Variants in TMC1 observed in about 807,000 individuals in gnomAD.
The protein encoded by TMC1 is transmembrane channel-like protein 1.
TMC1 carries 84 observed loss-of-function variants against 105.8 expected under a neutral mutation model. The ratio of observed to expected loss-of-function variants is 0.79; its 90% CI spans 0.67 to 0.95. The LOEUF is 0.95. TMC1 is among the 40% of genes least tolerant of loss of function. The probability of loss-of-function intolerance (pLI) is 0.00; values close to 1 mark genes in which losing one functional copy is unlikely to be tolerated. For synonymous variants in TMC1, 315 were observed against 311.5 expected (o/e 1.01, Z -0.12); for missense variants, 817 against 914.1 (o/e 0.89, Z 1.37).
At chr9:72,703,930 A>T (rs962360109) in intron 8 of TMC1, among the ~76,000 whole-genome samples, 1 of 152,178 alleles carries the variant, frequency 6.6e-6, no homozygotes, top group African/African-American at 2.4e-5. Context: ...GTTGGTACTT[A>T]AGTGCCTGAC....
At chr9:72,709,044 T>C (rs1300557325) in intron 8 of TMC1, among the ~76,000 whole-genome samples, 3 of 151,918 alleles carry the variant, frequency 2.0e-5, no homozygotes, top group Non-Finnish European at 4.4e-5. Flanking sequence ...GAAAGTTTAA[T>C]AGGCAAAAGA....
chr9:72,627,940 A>G lies in TMC1; in HGVS notation c.-176A>G. On this transcript the variant is annotated 5_prime_UTR_variant, in exon 4 of 24. It removes an upstream start codon present in the reference 5' UTR. Coordinates refer to ENST00000297784, the MANE Select transcript of TMC1 (RefSeq NM_138691.3). ...TTTTAGGATGCCAGAAGCCTCAAAA[A>G]TGGAAAACCCCCTGTGCTTCACATC... 2.4e-6 allele frequency: 1 copy of G among 420,874 alleles called. No individual in the cohort carries two copies. Among genetic ancestry groups the G allele is most frequent in the Non-Finnish European group, 4.7e-6 (1 of 212,988 alleles). 26.1% of individuals were successfully genotyped at this position (420,874 alleles called of 1,614,324 possible).
chr9:72,547,417 G>A (rs1385159499), intron 1 of TMC1, among the ~76,000 whole-genome samples: 3 of 151,972 alleles, frequency 2.0e-5, no homozygotes, highest in Non-Finnish European at 4.4e-5. Flanking sequence ...ATTTGCACAA[G>A]CACAAATGAG....
chr9:72,619,834 T>G (rs1403709048), intron 3 of TMC1, among the ~76,000 whole-genome samples: 2 of 144,434 alleles, frequency 1.4e-5, no homozygotes, highest in African/African-American at 5.1e-5. Context: ...AATTAATTAA[T>G]TTATTTATTT....
At chr9:72,645,931 G>A (rs548783404) in intron 4 of TMC1, among the ~76,000 whole-genome samples, 1 of 152,210 alleles carries the variant, frequency 6.6e-6, no homozygotes, top group East Asian at 1.9e-4. Context: ...GCTTACAAAA[G>A]TGTCTTAAAC....
chr9:72,523,801 A>C (rs1276303820), intron 1 of TMC1, among the ~76,000 whole-genome samples: 1 of 152,156 alleles, frequency 6.6e-6, no homozygotes, highest in Non-Finnish European at 1.5e-5. Flanking sequence ...TTCAGAGTCA[A>C]CTGTACTTGT....
chr9:72,718,388 TG>T (rs1275489537), intron 8 of TMC1, among the ~76,000 whole-genome samples: 8 of 152,218 alleles, frequency 5.3e-5, no homozygotes, highest in African/African-American at 1.7e-4. Context: ...TTTTGTCCCA[TG>T]GGGTGTTCCC....
intron 13 of TMC1, among the ~76,000 whole-genome samples, chr9:72,787,793 T>C (rs1828194071): frequency 6.6e-6 from 1 of 152,048 alleles, no homozygotes; most frequent in African/African-American, 2.4e-5. Context: ...AATTGTAGAG[T>C]AGATGGAAAT....
intron 7 of TMC1, among the ~76,000 whole-genome samples, chr9:72,699,084 G>A (rs1005582635): frequency 6.6e-6 from 1 of 152,166 alleles, no homozygotes; most frequent in Non-Finnish European, 1.5e-5. Flanking sequence ...GTGTAGGAGG[G>A]TGTGTTTGAA....
chr9:72,594,165 A>G (rs1197626117), intron 2 of TMC1, among the ~76,000 whole-genome samples: 2 of 152,220 alleles, frequency 1.3e-5, no homozygotes, highest in South Asian at 2.1e-4. Flanking sequence ...TGATTTTTAC[A>G]TGTACGCGGA....
chr9:72,682,942 G>A (rs1187881128), intron 5 of TMC1, among the ~76,000 whole-genome samples: 1 of 152,120 alleles, frequency 6.6e-6, no homozygotes, highest in African/African-American at 2.4e-5. Flanking sequence ...CTACATGGCC[G>A]GAGCAGGAGG....
At chr9:72,529,320 C>T (rs1006075415) in intron 1 of TMC1, among the ~76,000 whole-genome samples, 1 of 151,954 alleles carries the variant, frequency 6.6e-6, no homozygotes, top group East Asian at 1.9e-4. Flanking sequence ...GGTGTGGTGG[C>T]GGGCACTTGT....
At chr9:72,696,119 G>A (rs113359090) in intron 7 of TMC1, among the ~76,000 whole-genome samples, 6 of 151,972 alleles carry the variant, frequency 3.9e-5, no homozygotes, top group East Asian at 1.9e-4. Context: ...TATTTATGCC[G>A]CAAAAAAATC....
chr9:72,811,690 T>C (rs1014278525), intron 18 of TMC1, among the ~76,000 whole-genome samples: 15 of 152,294 alleles, frequency 9.8e-5, no homozygotes, highest in African/African-American at 3.6e-4. Context: ...GTTGTATTTT[T>C]AAGGTGATCA....
chr9:72,611,952 A>G (rs566471383), intron 2 of TMC1, among the ~76,000 whole-genome samples: 1 of 152,114 alleles, frequency 6.6e-6, no homozygotes, highest in South Asian at 2.1e-4. Context: ...TTCCTTCACC[A>G]TGCTGCTCTA....
At chr9:72,678,661 T>A (rs2132174693) in intron 5 of TMC1, among the ~76,000 whole-genome samples, 1 of 152,142 alleles carries the variant, frequency 6.6e-6, no homozygotes, top group South Asian at 2.1e-4. Flanking sequence ...ATATATATAT[T>A]CTCAATTCTA....
Position 72,779,038 on chromosome 9 carries a change from C to T in TMC1, c.884+6483C>T, listed in dbSNP as rs577733520. On this transcript the variant is annotated intron_variant, in intron 13 of 23. Transcript: ENST00000297784. The stretch of plus-strand genomic sequence containing the variant: ...ACAAAGCACTGTTGCCAGCAACCCT[C>T]ATGGAGCATTGTTGTTAACAGACTG... 2.6e-5 allele frequency among the ~76,000 whole-genome samples: 4 copies of T among 152,324 alleles called. No homozygotes were observed. In the East Asian group the frequency reaches 7.7e-4, roughly 29 times the overall value.
chr9:72,771,759 AAG>A (rs1215703730), intron 12 of TMC1, among the ~76,000 whole-genome samples: 1 of 152,196 alleles, frequency 6.6e-6, no homozygotes, highest in East Asian at 1.9e-4. Context: ...TCTGAGAATA[AAG>A]AGGGAGTTAT....
intron 5 of TMC1, among the ~76,000 whole-genome samples, chr9:72,664,495 T>C (rs183605157): frequency 6.6e-6 from 1 of 152,270 alleles, no homozygotes; most frequent in East Asian, 1.9e-4. Flanking sequence ...CTCTGTCCTG[T>C]ATCCATATAA....
Sources: gnomAD v4.1 joint callset for allele counts (sites outside exome capture counted in the v4.1 genomes callset) on GRCh38, gnomAD v4.1.1 for gene constraint, MANE v1.5 for transcripts, NCBI Gene and HGNC (gene_info 2026-07-23, HGNC 2026-07-21) for gene names.